The following ZDHHC20 variants were observed in gnomAD, a reference collection of about 807,000 sequenced individuals.
ZDHHC20 encodes palmitoyltransferase ZDHHC20.
In ZDHHC20, 43 loss-of-function variants were observed where a neutral mutation model predicts 57.8. That is an observed-to-expected ratio of 0.74 (90% CI 0.58 to 0.96). ZDHHC20 has a LOEUF of 0.96. Among genes scored for constraint, ZDHHC20 ranks in the 40% least tolerant of loss-of-function variants. ZDHHC20 has a pLI of 0.00. For synonymous variants in ZDHHC20, 157 were observed against 153.0 expected (o/e 1.03, Z -0.19); for missense variants, 391 against 441.1 (o/e 0.89, Z 1.02).
rs1054388950 is a variant in ZDHHC20, at chr13:21,374,816, T to C, written c.*1880A>G. The C allele has an allele frequency of 3.6e-6, 1 of 281,230 alleles. No homozygotes were observed. Among genetic ancestry groups the C allele is most frequent in the Non-Finnish European group, 6.9e-6 (1 of 144,142 alleles). The allele number at this position is 281,230 out of a possible 1,614,324, so 17.4% of individuals were successfully genotyped here. ...TGACAGAGCTATTCCTAGTTTATTA[T>C]TTAGCATACAGAAGGTACTCCAAAA... On this transcript the variant is annotated 3_prime_UTR_variant, in exon 13 of 13. Transcript: ENST00000400590.
intron 1 of ZDHHC20, among the ~76,000 whole-genome samples, chr13:21,427,974 CCT>C (rs10537329): frequency 0.21 from 32,078 of 151,964 alleles, 3,681 homozygotes; most frequent in Non-Finnish European, 0.25. Context: ...TCATAACACC[CCT>C]GACACTTGTA....
At position 21,381,395 on chromosome 13, in the gene ZDHHC20, T is replaced by C. The variant is rs769859078; in HGVS notation, c.1060+39A>G. On this transcript the variant is annotated intron_variant, in intron 11 of 12. Coordinates refer to ENST00000400590, the MANE Select transcript of ZDHHC20 (RefSeq NM_001330059.2). ...TGTATTATATCTGGTGCTTTTCATT[T>C]GAACCAGACAAAGCAGTGTTTCAAA... The C allele has an allele frequency of 2.0e-5, 30 of 1,465,058 alleles. 2 individuals are homozygous for C. The highest frequency in any genetic ancestry group is 3.5e-4 in the Middle Eastern group (2 of 5,780). 90.8% of individuals were successfully genotyped at this position (1,465,058 alleles called of 1,614,324 possible).
At chr13:21,419,560 G>A (rs1566093841) in intron 3 of ZDHHC20, among the ~76,000 whole-genome samples, 1 of 152,202 alleles carries the variant, frequency 6.6e-6, no homozygotes, top group South Asian at 2.1e-4. Context: ...ACGTAACACA[G>A]ATGAATCTTA....
At chr13:21,416,398 T>C (rs1440147110) in intron 3 of ZDHHC20, among the ~76,000 whole-genome samples, 1 of 152,180 alleles carries the variant, frequency 6.6e-6, no homozygotes, top group Non-Finnish European at 1.5e-5. Flanking sequence ...AACTATGAAA[T>C]GCTATTATTG....
chr13:21,411,026 C>T (rs952923659), intron 4 of ZDHHC20, among the ~76,000 whole-genome samples: 7 of 152,324 alleles, frequency 4.6e-5, no homozygotes, highest in Middle Eastern at 3.4e-3. Flanking sequence ...CTGTGGGTTG[C>T]GAAGACCGTG....
intron 1 of ZDHHC20, among the ~76,000 whole-genome samples, chr13:21,458,458 A>T (rs1885099813): frequency 6.6e-6 from 1 of 152,168 alleles, no homozygotes; most frequent in African/African-American, 2.4e-5. Flanking sequence ...GAGTAGAAAT[A>T]AACGAATTTT....
At chr13:21,449,505 A>C (rs1884233183) in intron 1 of ZDHHC20, among the ~76,000 whole-genome samples, 1 of 152,186 alleles carries the variant, frequency 6.6e-6, no homozygotes, top group Non-Finnish European at 1.5e-5. Context: ...AAGGCAGAAG[A>C]TGTCTTGAGG....
chr13:21,393,327 C>A (rs779520071), intron 7 of ZDHHC20, among the ~76,000 whole-genome samples: 1 of 151,916 alleles, frequency 6.6e-6, no homozygotes, highest in Non-Finnish European at 1.5e-5. Context: ...ATGGTGAAAC[C>A]CTGTCTCTAC....
chr13:21,433,110 T>TA (rs956030966), intron 1 of ZDHHC20, among the ~76,000 whole-genome samples: 1 of 152,166 alleles, frequency 6.6e-6, no homozygotes, highest in African/African-American at 2.4e-5. Context: ...GGTTTGCATT[T>TA]CCATATAAAT....
chr13:21,434,911 G>A (rs1882387919), intron 1 of ZDHHC20, among the ~76,000 whole-genome samples: 1 of 152,078 alleles, frequency 6.6e-6, no homozygotes, highest in Non-Finnish European at 1.5e-5. Flanking sequence ...ATAACCTTGT[G>A]CATGTGTTGT....
intron 4 of ZDHHC20, among the ~76,000 whole-genome samples, chr13:21,404,886 A>T (rs1303605800): frequency 6.6e-6 from 1 of 152,258 alleles, no homozygotes; most frequent in Non-Finnish European, 1.5e-5. Context: ...CAATTAATAT[A>T]TATAACAGGG....
intron 10 of ZDHHC20, 64 bp downstream of exon 10, chr13:21,382,856 C>T: frequency 1.5e-6 from 2 of 1,316,172 alleles, no homozygotes; most frequent in Non-Finnish European, 2.1e-6. Flanking sequence ...AAGATGTACA[C>T]ACAACACATG....
At chr13:21,379,706 T>C (rs1242607514) in intron 11 of ZDHHC20, among the ~76,000 whole-genome samples, 1 of 152,236 alleles carries the variant, frequency 6.6e-6, no homozygotes, top group African/African-American at 2.4e-5. Context: ...CCAGGTCTGA[T>C]GAAAATTCCC....
intron 1 of ZDHHC20, among the ~76,000 whole-genome samples, chr13:21,431,183 T>C (rs1881875802): frequency 1.3e-5 from 2 of 152,206 alleles, no homozygotes; most frequent in South Asian, 4.1e-4. Context: ...AGAGGTTTAA[T>C]TGGACTCACA....
chr13:21,457,876 A>T (rs1266755258), intron 1 of ZDHHC20, among the ~76,000 whole-genome samples: 1 of 152,214 alleles, frequency 6.6e-6, no homozygotes, highest in Non-Finnish European at 1.5e-5. Context: ...TTATTCAAAG[A>T]ACACTTAACA....
intron 11 of ZDHHC20, among the ~76,000 whole-genome samples, chr13:21,379,547 G>A (rs1355775605): frequency 1.3e-5 from 2 of 152,082 alleles, no homozygotes; most frequent in East Asian, 3.9e-4. Flanking sequence ...CTCCGGAAGT[G>A]CTGGGATTAC....
At chr13:21,395,124 T>A (rs923839660) in intron 7 of ZDHHC20, among the ~76,000 whole-genome samples, 2 of 151,424 alleles carry the variant, frequency 1.3e-5, no homozygotes, top group Non-Finnish European at 2.9e-5. Context: ...TGGAGTGCAG[T>A]GGTGCAATCT....
chr13:21,386,239 G>C (rs951979978), intron 9 of ZDHHC20, among the ~76,000 whole-genome samples: 5 of 152,158 alleles, frequency 3.3e-5, no homozygotes, highest in Admixed American at 6.5e-5. Flanking sequence ...GGAGGACTGT[G>C]AGTGACTGAT....
chr13:21,422,781 T>C (rs1663146263), intron 2 of ZDHHC20, among the ~76,000 whole-genome samples: 1 of 152,214 alleles, frequency 6.6e-6, no homozygotes, highest in African/African-American at 2.4e-5. Flanking sequence ...TGATGTAAAA[T>C]ATGTTGCTCA....
Sources: gnomAD v4.1 joint callset for allele counts (sites outside exome capture counted in the v4.1 genomes callset) on GRCh38, gnomAD v4.1.1 for gene constraint, MANE v1.5 for transcripts, NCBI Gene and HGNC (gene_info 2026-07-23, HGNC 2026-07-21) for gene names.